ARHGEF33: variants seen among roughly 807,000 people sequenced by gnomAD.
ARHGEF33 encodes Rho guanine nucleotide exchange factor 33.
Under a neutral mutation model 101.9 loss-of-function variants are expected in ARHGEF33, and 72 were observed. That is an observed-to-expected ratio of 0.71 (90% CI 0.58 to 0.86). The LOEUF is 0.86. Among genes scored for constraint, ARHGEF33 ranks in the 40% least tolerant of loss-of-function variants. The pLI, the probability that ARHGEF33 is intolerant of heterozygous loss-of-function variation, is 0.00. For missense variants in ARHGEF33, 1,169 were observed against 1,111.3 expected (o/e 1.05, Z -0.74); for synonymous variants, 499 against 442.5 (o/e 1.13, Z -1.60).
chr2:38,893,893 A>C (rs933641540), intron 1 of ARHGEF33, among the ~76,000 whole-genome samples: 2 of 152,310 alleles, frequency 1.3e-5, no homozygotes, highest in South Asian at 4.1e-4. Flanking sequence ...AATGTAGGCA[A>C]TTCAAGGGAG....
intron 2 of ARHGEF33, among the ~76,000 whole-genome samples, chr2:38,915,651 CA>C (rs769377028): frequency 1.8e-4 from 28 of 152,168 alleles, no homozygotes; most frequent in Non-Finnish European, 2.9e-4. Flanking sequence ...GGATTACAAG[CA>C]TGAGCCACCA....
chr2:38,929,923 G>A, intron 6 of ARHGEF33, 93 bp downstream of exon 6: 1 of 1,162,716 alleles, frequency 8.6e-7, no homozygotes, highest in Non-Finnish European at 1.2e-6. Context: ...TCAGTGTATA[G>A]CTAGCTGGCC....
At chr2:38,908,539 C>A (rs1471690404) in intron 2 of ARHGEF33, among the ~76,000 whole-genome samples, 1 of 152,130 alleles carries the variant, frequency 6.6e-6, no homozygotes, top group African/African-American at 2.4e-5. Flanking sequence ...ATTAACTCTA[C>A]CAATTTACTC....
At chr2:38,939,947 G>T (rs552454540) in intron 9 of ARHGEF33, among the ~76,000 whole-genome samples, 1 of 152,150 alleles carries the variant, frequency 6.6e-6, no homozygotes, top group Non-Finnish European at 1.5e-5. Flanking sequence ...TCACATTTAG[G>T]TCTATGACTT....
chr2:38,955,480 A>ATTTT (rs1667716160), intron 13 of ARHGEF33, among the ~76,000 whole-genome samples: 3 of 34,840 alleles, frequency 8.6e-5, no homozygotes, highest in Non-Finnish European at 1.9e-4. Context: ...TATTGAAAAG[A>ATTTT]CTTTTTTTTT....
At chr2:38,942,910 A>C (rs1007037911) in intron 9 of ARHGEF33, among the ~76,000 whole-genome samples, 1 of 152,098 alleles carries the variant, frequency 6.6e-6, no homozygotes, top group African/African-American at 2.4e-5. Flanking sequence ...TCAGATGGCA[A>C]ATTAACTTTT....
At chr2:38,961,491 C>A (rs2124425556) in intron 16 of ARHGEF33, among the ~76,000 whole-genome samples, 1 of 152,264 alleles carries the variant, frequency 6.6e-6, no homozygotes, top group East Asian at 1.9e-4. Context: ...AATAATTGCT[C>A]TGATCTGATT....
intron 10 of ARHGEF33, 99 bp from the exon 11 acceptor site, chr2:38,950,890 T>C (rs1667583154): frequency 1.7e-6 from 2 of 1,176,068 alleles, no homozygotes; most frequent in Non-Finnish European, 2.4e-6. Flanking sequence ...TCACAGTATG[T>C]TGGATGGCTG....
chr2:38,910,579 AG>A (rs1399346937), intron 2 of ARHGEF33, among the ~76,000 whole-genome samples: 1 of 152,250 alleles, frequency 6.6e-6, no homozygotes, highest in Non-Finnish European at 1.5e-5. Flanking sequence ...CTACAAAAAA[AG>A]AAAAAAGCAA....
chr2:38,967,760 T>G (rs1276500967), intron 17 of ARHGEF33, among the ~76,000 whole-genome samples: 1 of 149,390 alleles, frequency 6.7e-6, no homozygotes, highest in Non-Finnish European at 1.5e-5. Flanking sequence ...TTTTTTTTTT[T>G]GTAGAGACAG....
intron 4 of ARHGEF33, among the ~76,000 whole-genome samples, chr2:38,925,633 G>A (rs1347506340): frequency 1.3e-5 from 2 of 152,200 alleles, no homozygotes; most frequent in African/African-American, 4.8e-5. Flanking sequence ...ATTGGAAGAT[G>A]GAAGTTGGCA....
At chr2:38,935,467 A>T (rs1667107847) in intron 7 of ARHGEF33, among the ~76,000 whole-genome samples, 1 of 152,062 alleles carries the variant, frequency 6.6e-6, no homozygotes, top group Non-Finnish European at 1.5e-5. Flanking sequence ...CCATCATACC[A>T]CTGCCACCAC....
At chr2:38,963,339 G>A (rs905938624) in intron 16 of ARHGEF33, among the ~76,000 whole-genome samples, 1 of 152,170 alleles carries the variant, frequency 6.6e-6, no homozygotes, top group African/African-American at 2.4e-5. Context: ...AGCAGAGCTA[G>A]CCGAGACCTA....
At chr2:38,973,670 A>G (rs1668214159) in intron 17 of ARHGEF33, 44 bp from the exon 18 acceptor site, 1 of 1,446,116 alleles carries the variant, frequency 6.9e-7, no homozygotes, top group South Asian at 1.5e-5. Context: ...GAAAACAATT[A>G]AAACCAAATC....
At chr2:38,971,326 T>C (rs1460087723) in intron 17 of ARHGEF33, among the ~76,000 whole-genome samples, 1 of 152,242 alleles carries the variant, frequency 6.6e-6, no homozygotes. Context: ...ATCAAATACT[T>C]GGATGGTTAT....
chr2:38,940,321 G>T (rs115149825), intron 9 of ARHGEF33, among the ~76,000 whole-genome samples: 2 of 151,868 alleles, frequency 1.3e-5, no homozygotes, highest in South Asian at 4.2e-4. Flanking sequence ...AGAGGTGGGG[G>T]TTTCCCTTTG....
chr2:38,963,680 A>G (rs1572781666), intron 16 of ARHGEF33, among the ~76,000 whole-genome samples: 2 of 152,214 alleles, frequency 1.3e-5, no homozygotes, highest in Admixed American at 1.3e-4. Context: ...CTAAAAGCCC[A>G]TTTCTCAAAA....
intron 4 of ARHGEF33, among the ~76,000 whole-genome samples, chr2:38,923,980 A>G (rs1453943857): frequency 6.6e-6 from 1 of 152,228 alleles, no homozygotes; most frequent in African/African-American, 2.4e-5. Context: ...AATTTAAACT[A>G]TTTCCATCAT....
intron 7 of ARHGEF33, among the ~76,000 whole-genome samples, chr2:38,931,884 G>A (rs999410745): frequency 6.6e-6 from 1 of 152,188 alleles, no homozygotes; most frequent in African/African-American, 2.4e-5. Context: ...TTGTTTAGAT[G>A]ACATTTCCTC....
Sources: gnomAD v4.1 joint callset for allele counts (sites outside exome capture counted in the v4.1 genomes callset) on GRCh38, gnomAD v4.1.1 for gene constraint, MANE v1.5 for transcripts, NCBI Gene and HGNC (gene_info 2026-07-23, HGNC 2026-07-21) for gene names.